The following NRXN3 variants were observed in gnomAD, a reference collection of about 807,000 sequenced individuals.
The protein encoded by NRXN3 is neurexin III.
Under a neutral mutation model 137.6 loss-of-function variants are expected in NRXN3, and 32 were observed. That is an observed-to-expected ratio of 0.23 (90% CI 0.18 to 0.31). The LOEUF is 0.31. Ranked by LOEUF, NRXN3 falls within the 10% of genes least tolerant of loss-of-function variation. The pLI is 1.00. For missense variants in NRXN3, 1,574 were observed against 2,062.5 expected (o/e 0.76, Z 4.59); for synonymous variants, 798 against 784.5 (o/e 1.02, Z -0.29).
At chr14:79,343,501 A>T (rs1490914654) in intron 15 of NRXN3, among the ~76,000 whole-genome samples, 1 of 152,100 alleles carries the variant, frequency 6.6e-6, no homozygotes, top group Admixed American at 6.5e-5. Flanking sequence ...TCTTCATGAG[A>T]CTTGATACAG....
intron 15 of NRXN3, among the ~76,000 whole-genome samples, chr14:79,000,862 T>C (rs1332089442): frequency 6.6e-6 from 1 of 152,214 alleles, no homozygotes; most frequent in Non-Finnish European, 1.5e-5. Flanking sequence ...ACTCTCGGTA[T>C]TGTTAGAGGC....
At chr14:78,603,005 C>A (rs2097214439) in intron 4 of NRXN3, among the ~76,000 whole-genome samples, 2 of 152,108 alleles carry the variant, frequency 1.3e-5, no homozygotes, top group African/African-American at 4.8e-5. Context: ...AGTTGGCAAG[C>A]TGGGGTCTTC....
At chr14:79,338,067 C>T (rs1201889726) in intron 15 of NRXN3, among the ~76,000 whole-genome samples, 1 of 152,032 alleles carries the variant, frequency 6.6e-6, no homozygotes, top group Non-Finnish European at 1.5e-5. Context: ...TTTTACCCAG[C>T]TGTGAGGATT....
At chr14:78,199,383 G>T (rs1003195165) in intron 1 of NRXN3, among the ~76,000 whole-genome samples, 1 of 152,092 alleles carries the variant, frequency 6.6e-6, no homozygotes, top group African/African-American at 2.4e-5. Context: ...GGTTTTTCTT[G>T]AAAGTAGCAA....
intron 10 of NRXN3, among the ~76,000 whole-genome samples, chr14:78,928,166 G>A (rs2099311399): frequency 6.6e-6 from 1 of 151,986 alleles, no homozygotes; most frequent in Non-Finnish European, 1.5e-5. Context: ...TTGCTCTCTG[G>A]GATCTTCCCC....
chr14:79,151,767 C>T (rs1288368065), intron 15 of NRXN3, among the ~76,000 whole-genome samples: 1 of 151,964 alleles, frequency 6.6e-6, no homozygotes, highest in Non-Finnish European at 1.5e-5. Context: ...CTCTTAGTTG[C>T]TGAGACAATT....
chr14:78,477,097 A>G (rs555317171), intron 4 of NRXN3, among the ~76,000 whole-genome samples: 15 of 152,164 alleles, frequency 9.9e-5, no homozygotes, highest in Non-Finnish European at 1.6e-4. Flanking sequence ...GGGTTCACAT[A>G]TCACCCAAAT....
At chr14:79,444,613 C>G (rs2096024933) in intron 15 of NRXN3, among the ~76,000 whole-genome samples, 1 of 152,126 alleles carries the variant, frequency 6.6e-6, no homozygotes, top group African/African-American at 2.4e-5. Context: ...TCACTTGAGG[C>G]CAAGAGTTCA....
chr14:79,209,390 T>C (rs1483223268), intron 15 of NRXN3, among the ~76,000 whole-genome samples: 1 of 152,100 alleles, frequency 6.6e-6, no homozygotes, highest in East Asian at 1.9e-4. Context: ...CTGTCTATAA[T>C]GCACTGCTAT....
At chr14:79,121,020 C>G (rs1322756857) in intron 15 of NRXN3, among the ~76,000 whole-genome samples, 1 of 152,144 alleles carries the variant, frequency 6.6e-6, no homozygotes, top group African/African-American at 2.4e-5. Context: ...TTCATGACCA[C>G]TCTACTCTGA....
chr14:79,665,160 T>C (rs1567821858), intron 17 of NRXN3, among the ~76,000 whole-genome samples: 1 of 152,178 alleles, frequency 6.6e-6, no homozygotes, highest in African/African-American at 2.4e-5. Flanking sequence ...GTATCTGCGC[T>C]GTTGGGTTGT....
At chr14:79,142,578 G>A (rs1024588862) in intron 15 of NRXN3, among the ~76,000 whole-genome samples, 1 of 152,220 alleles carries the variant, frequency 6.6e-6, no homozygotes, top group Non-Finnish European at 1.5e-5. Context: ...TTGGCAACCT[G>A]TGAAGTGGCA....
At chr14:78,290,917 A>G (rs140775007) in intron 3 of NRXN3, among the ~76,000 whole-genome samples, 1,814 of 152,264 alleles carry the variant, frequency 0.012, 12 homozygotes, top group Non-Finnish European at 0.02. Flanking sequence ...TTTGCGTTTT[A>G]AAGAGAGAAG....
At chr14:78,706,922 A>G (rs1319397311) in intron 6 of NRXN3, among the ~76,000 whole-genome samples, 2 of 152,182 alleles carry the variant, frequency 1.3e-5, no homozygotes. Flanking sequence ...TGGGGATTAT[A>G]TGATATGTGC....
At chr14:78,587,581 C>T (rs887123564) in intron 4 of NRXN3, among the ~76,000 whole-genome samples, 4 of 152,166 alleles carry the variant, frequency 2.6e-5, no homozygotes, top group Non-Finnish European at 4.4e-5. Context: ...AAAAGATTCC[C>T]ATTTTTGGAC....
chr14:79,442,296 C>T (rs1031740023), intron 15 of NRXN3, among the ~76,000 whole-genome samples: 4 of 152,104 alleles, frequency 2.6e-5, no homozygotes, highest in African/African-American at 9.7e-5. Context: ...GAAAACAGAA[C>T]CAAGTTTGCT....
chr14:79,236,936 G>A (rs1459944773), intron 15 of NRXN3, among the ~76,000 whole-genome samples: 1 of 152,016 alleles, frequency 6.6e-6, no homozygotes, highest in Non-Finnish European at 1.5e-5. Context: ...TTTTAAAAGT[G>A]TGTTAGATCT....
At chr14:79,708,776 T>A (rs1027428160) in intron 19 of NRXN3, among the ~76,000 whole-genome samples, 1 of 152,168 alleles carries the variant, frequency 6.6e-6, no homozygotes, top group Admixed American at 6.5e-5. Flanking sequence ...GTTAGCTAAA[T>A]GGTGATTTGT....
At chr14:79,289,881 C>T (rs2153457686) in intron 15 of NRXN3, among the ~76,000 whole-genome samples, 1 of 152,258 alleles carries the variant, frequency 6.6e-6, no homozygotes. Context: ...GTTTGAAGAC[C>T]TGTCCCCAGC....
Sources: gnomAD v4.1 joint callset for allele counts (sites outside exome capture counted in the v4.1 genomes callset) on GRCh38, gnomAD v4.1.1 for gene constraint, MANE v1.5 for transcripts, NCBI Gene and HGNC (gene_info 2026-07-23, HGNC 2026-07-21) for gene names.